Variants in EPS8L1 observed in about 807,000 individuals in gnomAD.
The protein encoded by EPS8L1 is epidermal growth factor receptor kinase substrate 8-like protein 1.
In EPS8L1, 101 loss-of-function variants were observed where a neutral mutation model predicts 91.7. The observed-to-expected ratio is 1.10, with a 90% CI of 0.94 to 1.30. The LOEUF is 1.30. Ranked by LOEUF, EPS8L1 falls within the 50% of genes most tolerant of loss-of-function variation. The pLI, the probability that EPS8L1 is intolerant of heterozygous loss-of-function variation, is 0.00. For missense variants in EPS8L1, 1,114 were observed against 1,017.0 expected (o/e 1.10, Z -1.30); for synonymous variants, 506 against 445.3 (o/e 1.14, Z -1.72).
chr19:55,077,932 CAAT>C (rs34626114), intron 2 of EPS8L1, among the ~76,000 whole-genome samples, 153 bp from the exon 3 acceptor site: 20,795 of 126,090 alleles, frequency 0.16, 1,680 homozygotes, highest in Admixed American at 0.27. Flanking sequence ...CTCTCCTGCT[CAAT>C]AATAATAATA....
chr19:55,082,737 G>T, intron 12 of EPS8L1, 135 bp downstream of exon 12: 1 of 840,340 alleles, frequency 1.2e-6, no homozygotes, highest in South Asian at 1.8e-5. Context: ...AGTTGTGTTG[G>T]GGCGGGGCTT....
Position 55,081,523 on chromosome 19 carries a change from G to C in EPS8L1, c.774+31G>C. 6.5e-7 allele frequency: 1 copy of C among 1,527,494 alleles called. No homozygotes were observed. Among genetic ancestry groups the C allele is most frequent in the Non-Finnish European group, 8.8e-7 (1 of 1,139,968 alleles). 94.6% of individuals were successfully genotyped at this position (1,527,494 alleles called of 1,614,324 possible). ...CCGCTAAGGAAGGGGTCTGGGGGCAGGGCCAGGCGACTGGAGGCGGGGCTA... is the reference window on the plus strand; with the variant it reads ...CCGCTAAGGAAGGGGTCTGGGGGCACGGCCAGGCGACTGGAGGCGGGGCTA... On this transcript the variant is annotated intron_variant, in intron 8 of 19. Coordinates refer to ENST00000201647, the MANE Select transcript of EPS8L1 (RefSeq NM_133180.3). This position sits in a 1 kb window ranked among gnomAD's most constrained non-coding sequence, Gnocchi z 4.9.
In EPS8L1 at chr19:55,086,167, ACAGCCAAAGCCCTGCCCG is replaced by A. The variant is rs1352327570; in HGVS notation, c.1631_1648del (p.Gln544_Ser549del). On this transcript the variant is annotated inframe_deletion, in exon 16 of 20. Coordinates refer to ENST00000201647, the MANE Select transcript of EPS8L1 (RefSeq NM_133180.3). Reference sequence around the variant, plus strand: ...CCCTACCCCGGACCCCGGCTGCACCACAGCCAAAGCCCTGCCCGCAGCCTGGTGAGCCAGCGCAGACGC... The same window carrying A: ...CCCTACCCCGGACCCCGGCTGCACCACAGCCTGGTGAGCCAGCGCAGACGC... 2 of 1,602,946 alleles carry A rather than the reference ACAGCCAAAGCCCTGCCCG, an allele frequency of 1.2e-6. No homozygotes were observed. Among genetic ancestry groups the A allele is most frequent in the Non-Finnish European group, 1.7e-6 (2 of 1,173,998 alleles).
chr19:55,084,101 C>T (rs2147159437), intron 14 of EPS8L1: 1 of 268,674 alleles, frequency 3.7e-6, no homozygotes, highest in South Asian at 4.6e-5. Flanking sequence ...TGCTTGGGAT[C>T]CTGGAGACCC....
intron 6 of EPS8L1, 132 bp from the exon 7 acceptor site, chr19:55,080,640 G>T: frequency 6.4e-7 from 1 of 1,563,714 alleles, no homozygotes; most frequent in South Asian, 1.2e-5. Flanking sequence ...GGGCGTGGAC[G>T]TGCGTGGGTT....
rs1165239393 is a variant in EPS8L1 at position 55,083,742 on chromosome 19, CTTCT to C, written c.1385+99_1385+102del. 2.3e-6 allele frequency: 3 copies of C among 1,313,930 alleles called. No individual in the cohort carries two copies. The highest frequency in any genetic ancestry group is 2.1e-4 in the Middle Eastern group (1 of 4,870). The allele number at this position is 1,313,930 out of a possible 1,614,324, so 81.4% of individuals were successfully genotyped here. A position where few individuals can be genotyped will look rare whatever the true frequency, so the allele number is the denominator to read the frequency against. On this transcript the variant is annotated intron_variant, in intron 14 of 19. Transcript: ENST00000201647. The surrounding 1 kb of genome is among the most constrained non-coding windows in gnomAD (Gnocchi z 4.7). ...CGCCCCCTTTTTTTCTGTGTTTTTC[CTTCT>C]GTCTTCCTGGCTCTTCTCAGGTGGG...
Position 55,081,107 on chromosome 19 carries a change from C to T in EPS8L1, c.513-124C>T. 1 of 1,232,524 alleles carries T rather than the reference C, an allele frequency of 8.1e-7. No homozygotes were observed. The highest frequency in any genetic ancestry group is 1.1e-6 in the Non-Finnish European group (1 of 917,278). 76.3% of individuals were successfully genotyped at this position (1,232,524 alleles called of 1,614,324 possible). A position where few individuals can be genotyped will look rare whatever the true frequency, so the allele number is the denominator to read the frequency against. On this transcript the variant is annotated intron_variant, in intron 7 of 19. Coordinates refer to ENST00000201647, the MANE Select transcript of EPS8L1 (RefSeq NM_133180.3). The surrounding 1 kb of genome is among the most constrained non-coding windows in gnomAD (Gnocchi z 4.9). ...CTCCGTATATCGGATTTCTCCCTAC[C>T]TCGTTGAACTTGTTCACTCCCTTTG...
intron 2 of EPS8L1, 125 bp from the exon 3 acceptor site, chr19:55,077,963 A>T: frequency 2.6e-6 from 1 of 386,850 alleles, no homozygotes; most frequent in Non-Finnish European, 4.5e-6. Flanking sequence ...TAATAATAAT[A>T]ATAATAATAA....
chr19:55,087,332 G>A lies in EPS8L1; in HGVS notation c.1982G>A (p.Gly661Glu), dbSNP rs755594910. ...GTVDALGVLTGAQLFSLQKEE... is the reference protein window; with the variant it reads ...GTVDALGVLTEAQLFSLQKEE... ...GTGGACGCGCTGGGTGTGCTGACCGGGGCGCAGCTTTTCTCGCTGCAGAAG... is the reference window on the plus strand; with the variant it reads ...GTGGACGCGCTGGGTGTGCTGACCGAGGCGCAGCTTTTCTCGCTGCAGAAG... Residue 661 changes from glycine to glutamate, a missense_variant, in exon 19 of 20, where the codon GGG becomes GAG. Transcript: ENST00000201647. 6.2e-7 allele frequency: 1 copy of A among 1,611,500 alleles called. No individual in the cohort carries two copies. Among genetic ancestry groups the A allele is most frequent in the Non-Finnish European group, 8.5e-7 (1 of 1,179,516 alleles).
rs565103533 is a variant in EPS8L1 at position 55,076,374 on chromosome 19, C to T, written c.-37-34C>T. 7.4e-5 allele frequency: 118 copies of T among 1,589,466 alleles called. No individual in the cohort carries two copies. In the African/African-American group the frequency reaches 1.5e-3, roughly 20 times the overall value. On this transcript the variant is annotated intron_variant, in intron 1 of 19. Coordinates refer to ENST00000201647, the MANE Select transcript of EPS8L1 (RefSeq NM_133180.3). ...CTGGGGTAGGAATTAGAGGCTCCTA[C>T]TGGCCAGGCCTTCACATGTTTGCTG...
rs779378464 is a variant in EPS8L1, at chr19:55,083,829, G to A, written c.1385+185G>A. ...GAGAGGGAGGAGCAGGGTGGGAGGGGGCGGGACCCAGACTTCTGGGGCTAA... is the reference window on the plus strand; with the variant it reads ...GAGAGGGAGGAGCAGGGTGGGAGGGAGCGGGACCCAGACTTCTGGGGCTAA... On this transcript the variant is annotated intron_variant, in intron 14 of 19. Coordinates refer to ENST00000201647, the MANE Select transcript of EPS8L1 (RefSeq NM_133180.3). The surrounding 1 kb of genome is among the most constrained non-coding windows in gnomAD (Gnocchi z 4.7). 1.4e-6 allele frequency: 1 copy of A among 730,224 alleles called. No individual in the cohort carries two copies. Among genetic ancestry groups the A allele is most frequent in the South Asian group, 1.6e-5 (1 of 64,454 alleles). The allele number at this position is 730,224 out of a possible 1,614,324, so 45.2% of individuals were successfully genotyped here.
chr19:55,081,956 C>T lies in EPS8L1; in HGVS notation c.901+57C>T, dbSNP rs976751072. On this transcript the variant is annotated intron_variant, in intron 9 of 19. Coordinates refer to ENST00000201647, the MANE Select transcript of EPS8L1 (RefSeq NM_133180.3). The surrounding 1 kb of genome is among the most constrained non-coding windows in gnomAD (Gnocchi z 4.9). ...CCCTCCCGATCTCTTCCAAATGTCC[C>T]CGCTCTCCCCAGGCTCTCCCCTCCC... 6.4e-7 allele frequency: 1 copy of T among 1,572,638 alleles called. No individual in the cohort carries two copies. The highest frequency in any genetic ancestry group is 2.4e-5 in the East Asian group (1 of 42,326).
chr19:55,080,966 ACCCTAGTCGAGT>A, intron 7 of EPS8L1, 112 bp downstream of exon 7: 4 of 1,069,182 alleles, frequency 3.7e-6, no homozygotes, highest in Non-Finnish European at 5.3e-6. Context: ...AGTCAAGCAC[ACCCTAGTCGAGT>A]CTTGTCTGTA....
Position 55,083,295 on chromosome 19 carries a change from G to A in EPS8L1, c.1215-83G>A. 1 of 1,539,572 alleles carries A rather than the reference G, an allele frequency of 6.5e-7. No homozygotes were observed. ...CGTTGGAATACAGCGAGCTTTAGGG[G>A]AAAACTTAGTGAAGTTAATGCAGGA... On this transcript the variant is annotated intron_variant, in intron 12 of 19. Transcript: ENST00000201647. This position sits in a 1 kb window ranked among gnomAD's most constrained non-coding sequence, Gnocchi z 4.7.
chr19:55,085,473 G>A (rs2076343991), intron 14 of EPS8L1, among the ~76,000 whole-genome samples: 1 of 152,144 alleles, frequency 6.6e-6, no homozygotes, highest in African/African-American at 2.4e-5. Context: ...CCTAGCTAGT[G>A]TTTTTATTAT....
At position 55,083,344 on chromosome 19, in the gene EPS8L1, A is replaced by G. The variant is rs774151546; in HGVS notation, c.1215-34A>G. 1 of 1,598,930 alleles carries G rather than the reference A, an allele frequency of 6.3e-7. No homozygotes were observed. Among genetic ancestry groups the G allele is most frequent in the Admixed American group, 1.7e-5 (1 of 58,186 alleles). On this transcript the variant is annotated intron_variant, in intron 12 of 19. Coordinates refer to ENST00000201647, the MANE Select transcript of EPS8L1 (RefSeq NM_133180.3). The surrounding 1 kb of genome is among the most constrained non-coding windows in gnomAD (Gnocchi z 4.7). Reference sequence around the variant, plus strand: ...GAACGAAGTTGGGGGCTGTATCAGGATCCCTGAGCTCTTGGCCCTGTCCCT... The same window carrying G: ...GAACGAAGTTGGGGGCTGTATCAGGGTCCCTGAGCTCTTGGCCCTGTCCCT...
Position 55,083,856 on chromosome 19 carries a change from G to T in EPS8L1, c.1385+212G>T. 1.4e-6 allele frequency: 1 copy of T among 731,576 alleles called. No homozygotes were observed. The highest frequency in any genetic ancestry group is 2.3e-6 in the Non-Finnish European group (1 of 430,586). The allele number at this position is 731,576 out of a possible 1,614,324, so 45.3% of individuals were successfully genotyped here. ...CGGGACCCAGACTTCTGGGGCTAAG[G>T]GAGTTGGGAATGGAGACCCGGATTC... is the stretch of plus-strand genomic sequence containing the variant. On this transcript the variant is annotated intron_variant, in intron 14 of 19. Transcript: ENST00000201647. This position sits in a 1 kb window ranked among gnomAD's most constrained non-coding sequence, Gnocchi z 4.7.
At chr19:55,082,204 C>T in intron 10 of EPS8L1, 24 bp downstream of exon 10, 1 of 1,590,230 alleles carries the variant, frequency 6.3e-7, no homozygotes, top group South Asian at 1.1e-5. Context: ...CGCCCCTGGG[C>T]CGGGGCGCGG....
intron 7 of EPS8L1, 132 bp downstream of exon 7, chr19:55,080,986 GTACCTCC>G: frequency 1.0e-6 from 1 of 954,888 alleles, no homozygotes; most frequent in Non-Finnish European, 1.5e-6. Flanking sequence ...AGTCTTGTCT[GTACCTCC>G]CAGACGAGCT....
Sources: allele counts gnomAD v4.1 joint callset (sites outside exome capture counted in the v4.1 genomes callset), GRCh38; gene constraint gnomAD v4.1.1; non-coding constraint Gnocchi (gnomAD v3.1); transcripts MANE v1.5; gene names NCBI Gene and HGNC (gene_info 2026-07-23, HGNC 2026-07-21).